RPGR: variants seen among roughly 807,000 people sequenced by gnomAD.
The protein encoded by RPGR is retinitis pigmentosa GTPase regulator, also known as X-linked retinitis pigmentosa GTPase regulator.
Under a neutral mutation model 56.3 loss-of-function variants are expected in RPGR, and 10 were observed. The observed-to-expected ratio is 0.18, with a 90% CI of 0.11 to 0.30. The LOEUF is 0.30. Ranked by LOEUF, RPGR falls within the 10% of genes least tolerant of loss-of-function variation. RPGR has a pLI of 1.00. For missense variants in RPGR, 538 were observed against 590.9 expected, an observed-to-expected ratio of 0.91 and a Z score of 0.93; for synonymous variants, 197 against 212.9, an observed-to-expected ratio of 0.93 and a Z score of 0.65.
intron 7 of RPGR, among the ~76,000 whole-genome samples, chrX:38,309,630 C>A (rs977269751): frequency 6.2e-5 from 7 of 112,211 alleles, no homozygotes; most frequent in African/African-American, 2.3e-4. Context: ...GAGTTTGAGA[C>A]CAGCCTTGCC....
chrX:38,277,511 CT>C (rs1301117574), intron 15 of RPGR, among the ~76,000 whole-genome samples: 2 of 109,930 alleles, frequency 1.8e-5, no homozygotes, highest in Non-Finnish European at 3.8e-5. Flanking sequence ...GTGAAATACT[CT>C]GATTGTCATT....
chrX:38,281,301 TG>T (rs1329601535), intron 15 of RPGR, among the ~76,000 whole-genome samples: 1 of 112,381 alleles, frequency 8.9e-6, no homozygotes, highest in Non-Finnish European at 1.9e-5. Flanking sequence ...CAGAGGGAAA[TG>T]TTCAGTGACA....
In RPGR at chrX:38,323,472, G is replaced by C; in HGVS notation, c.81C>G (p.Pro27=). The C allele has an allele frequency of 8.3e-7, 1 of 1,207,662 alleles. No individual in the cohort carries two copies. Among genetic ancestry groups the C allele is most frequent in the Non-Finnish European group, 1.1e-6 (1 of 892,313 alleles). The change falls in exon 2 of 19, where the codon CCC becomes CCG. Residue 27 remains proline (P), a synonymous_variant. Coordinates refer to ENST00000642395, the MANE Select transcript of RPGR (RefSeq NM_000328.3). ...CATCATTTTTAAACCAGAATTTACC[G>C]GGATTATTTTCAGCAAATTTACTTT...
chrX:38,310,551 C>T, intron 7 of RPGR, 64 bp downstream of exon 7: 1 of 1,106,977 alleles, frequency 9.0e-7, no homozygotes, highest in Non-Finnish European at 1.2e-6. Context: ...AAAAAATGAA[C>T]ATTAAAAAAA....
intron 15 of RPGR, 34 bp downstream of exon 15, chrX:38,284,374 C>T (rs1379390102): frequency 9.5e-5 from 56 of 591,865 alleles, no homozygotes; most frequent in Non-Finnish European, 1.1e-4. Flanking sequence ...TAATACTAGA[C>T]AGTTTATCTT....
At chrX:38,319,019 A>G in intron 4 of RPGR, 32 bp from the exon 5 acceptor site, 2 of 1,198,650 alleles carry the variant, frequency 1.7e-6, no homozygotes, top group Non-Finnish European at 2.3e-6. Context: ...TCAATAGACT[A>G]TAGAGTCCCC....
intron 9 of RPGR, 21 bp downstream of exon 9, chrX:38,301,226 A>G: frequency 2.6e-6 from 3 of 1,170,013 alleles, no homozygotes; most frequent in Non-Finnish European, 2.3e-6. Context: ...AAATATAAAC[A>G]GGGAAATGTG....
intron 7 of RPGR, 139 bp downstream of exon 7, chrX:38,310,476 T>C: frequency 1.7e-6 from 1 of 597,223 alleles, no homozygotes; most frequent in Non-Finnish European, 2.7e-6. Context: ...TTTATTATAC[T>C]CTTAAAAATC....
chrX:38,322,755 A>G, intron 3 of RPGR, 98 bp downstream of exon 3: 1 of 643,365 alleles, frequency 1.6e-6, no homozygotes, highest in East Asian at 3.4e-5. Flanking sequence ...GTCAGAAAAT[A>G]AAGAACTAAA....
chrX:38,305,723 G>C (rs897685689), intron 7 of RPGR, among the ~76,000 whole-genome samples: 9 of 105,322 alleles, frequency 8.5e-5, no homozygotes, highest in African/African-American at 3.2e-4. Context: ...TCCAGCCTGG[G>C]CAACAGAGCA....
At chrX:38,315,860 G>A (rs1360889221) in intron 6 of RPGR, among the ~76,000 whole-genome samples, 1 of 101,201 alleles carries the variant, frequency 9.9e-6, no homozygotes, top group Non-Finnish European at 2.0e-5. Context: ...GAGAGAGAGA[G>A]TACCCACTAA....
chrX:38,310,891 AT>A (rs1278557303), intron 6 of RPGR, 118 bp from the exon 7 acceptor site: 3 of 572,704 alleles, frequency 5.2e-6, no homozygotes, highest in Non-Finnish European at 8.6e-6. Flanking sequence ...TTCTTGAGAT[AT>A]TTTTACTGTA....
At position 38,287,917 on chromosome X, in the gene RPGR, C is replaced by T. The variant is rs1801688; in HGVS notation, c.1697G>A (p.Gly566Glu). 80,417 of 1,208,776 alleles carry T rather than the reference C, an allele frequency of 0.067. 2,734 individuals carry two copies. The highest frequency in any genetic ancestry group is 0.2 in the Admixed American group (9,094 of 45,655). ...CGTAGCTGGCTGCGTCATGAAAATC[C>T]CTTGTGACACATGTTGTTTACATGC... Residue 566 changes from glycine (G) to glutamate (E), a missense_variant, in exon 14 of 19, where the codon GGG (glycine) becomes GAG (glutamate). This residue lies in a region of RPGR where 357 missense variants were observed against 325.8 expected (regional missense o/e 1.10). Coordinates refer to ENST00000642395, the MANE Select transcript of RPGR (RefSeq NM_000328.3).
chrX:38,288,547 G>T (rs940478705), intron 13 of RPGR, among the ~76,000 whole-genome samples: 16 of 110,394 alleles, frequency 1.4e-4, no homozygotes, highest in African/African-American at 4.9e-4. Context: ...TCTACTAAAA[G>T]TACAAAAATT....
In RPGR at chrX:38,301,295, G is replaced by A; in HGVS notation, c.1011C>T (p.His337=). 8.3e-7 allele frequency: 1 copy of A among 1,204,458 alleles called. No homozygotes were observed. The highest frequency in any genetic ancestry group is 1.1e-6 in the Non-Finnish European group (1 of 888,919). ...AATTAGAGCACAAAGTAGGAATGAA[G>A]TGATTGGTAAAATTCTCCAGTCCAA... The change falls in exon 9 of 19, where the codon CAC becomes CAT. Residue 337 remains histidine (H), a synonymous_variant. Transcript: ENST00000642395.
chrX:38,271,382 T>A (rs1190401859), intron 18 of RPGR, among the ~76,000 whole-genome samples: 1 of 111,226 alleles, frequency 9.0e-6, no homozygotes, highest in Admixed American at 9.6e-5. Flanking sequence ...GTGCAGGTAA[T>A]CTCCCCAAAA....
At chrX:38,310,856 A>G in intron 6 of RPGR, 83 bp from the exon 7 acceptor site, 1 of 855,773 alleles carries the variant, frequency 1.2e-6, no homozygotes, top group Non-Finnish European at 1.7e-6. Flanking sequence ...AAGTTTTGAC[A>G]AGGATCACTT....
At chrX:38,300,268 T>C (rs2067479064) in intron 9 of RPGR, among the ~76,000 whole-genome samples, 1 of 111,657 alleles carries the variant, frequency 9.0e-6, no homozygotes, top group Non-Finnish European at 1.9e-5. Context: ...GTATTTCTTA[T>C]ACTTAGCACA....
intron 16 of RPGR, among the ~76,000 whole-genome samples, chrX:38,276,342 C>T (rs187498415): frequency 1.8e-5 from 2 of 112,005 alleles, no homozygotes; most frequent in African/African-American, 6.5e-5. Flanking sequence ...CCATACCATT[C>T]TACTTCCACT....
Sources: gnomAD v4.1 joint callset for allele counts (sites outside exome capture counted in the v4.1 genomes callset) on GRCh38, gnomAD v4.1.1 for gene constraint, gnomAD v4.1.1 regional missense constraint, MANE v1.5 for transcripts, NCBI Gene and HGNC (gene_info 2026-07-23, HGNC 2026-07-21) for gene names.